SP110: variants seen among roughly 807,000 people sequenced by gnomAD.
SP110 encodes interferon-induced protein 41, 30kD.
SP110 carries 62 observed loss-of-function variants against 92.7 expected under a neutral mutation model. That is an observed-to-expected ratio of 0.67 (90% CI 0.55 to 0.83). The LOEUF (loss-of-function observed/expected upper bound fraction) is 0.83. Among genes scored for constraint, SP110 ranks in the 40% least tolerant of loss-of-function variants. SP110 has a pLI of 0.00. For synonymous variants in SP110, 273 were observed against 305.3 expected (o/e 0.89, Z 1.10); for missense variants, 793 against 863.9 (o/e 0.92, Z 1.03).
At chr2:230,176,341 A>T in intron 14 of SP110, 2 of 562,900 alleles carry the variant, frequency 3.6e-6, no homozygotes, top group Non-Finnish European at 5.5e-6. Flanking sequence ...CACCATTCCT[A>T]GTTGATTAAA....
chr2:230,178,166 T>G lies in SP110; in HGVS notation c.1438A>C (p.Met480Leu). The G allele has an allele frequency of 6.2e-7, 1 of 1,605,880 alleles. No individual in the cohort carries two copies. Among genetic ancestry groups the G allele is most frequent in the Non-Finnish European group, 8.5e-7 (1 of 1,172,642 alleles). Residue 480 changes from methionine to leucine, a missense_variant, in exon 13 of 19, where the codon ATG becomes CTG. Met to Leu is a conservative substitution (Grantham distance 15). Coordinates refer to ENST00000258381, the MANE Select transcript of SP110 (RefSeq NM_080424.4). ...AGACCAAGGAACTCACCGTGTTTCA[T>G]TTTCTTCTTATATAAAATCCCTTTC... Reference protein sequence around the residue: ...EAKGILYKKKMKHGSSVKCIR... With the variant: ...EAKGILYKKKLKHGSSVKCIR...
intron 2 of SP110, among the ~76,000 whole-genome samples, chr2:230,215,935 T>C (rs2045117048): frequency 6.6e-6 from 1 of 152,224 alleles, no homozygotes. Flanking sequence ...AGGAGTGCTC[T>C]CTGGGCTGTG....
chr2:230,189,420 G>T (rs548677966), intron 10 of SP110, among the ~76,000 whole-genome samples: 1 of 152,048 alleles, frequency 6.6e-6, no homozygotes, highest in African/African-American at 2.4e-5. Flanking sequence ...TCTAATTTCC[G>T]TCTTAATTTC....
chr2:230,185,885 G>A (rs998129687), intron 11 of SP110, 109 bp downstream of exon 11: 23 of 947,474 alleles, frequency 2.4e-5, no homozygotes, highest in African/African-American at 4.8e-5. Flanking sequence ...TTTTCTGTAC[G>A]TCTCCCTCCT....
chr2:230,212,281 G>T, intron 5 of SP110, 66 bp downstream of exon 5: 4 of 1,186,272 alleles, frequency 3.4e-6, no homozygotes, highest in Non-Finnish European at 5.0e-6. Flanking sequence ...CCTCTTGGTT[G>T]GCAGACGCAT....
chr2:230,176,747 G>T, intron 14 of SP110: 2 of 1,613,586 alleles, frequency 1.2e-6, no homozygotes, highest in South Asian at 1.1e-5. Context: ...AGGAGTCAAT[G>T]AATGAGGTTA....
chr2:230,217,151 C>A (rs772256204), intron 1 of SP110, among the ~76,000 whole-genome samples: 1 of 141,276 alleles, frequency 7.1e-6, no homozygotes, highest in Admixed American at 7.5e-5. Flanking sequence ...GAGGCTGAGG[C>A]GGGAAAATTG....
intron 12 of SP110, among the ~76,000 whole-genome samples, chr2:230,182,931 T>C (rs1247073848): frequency 6.6e-6 from 1 of 152,154 alleles, no homozygotes; most frequent in Non-Finnish European, 1.5e-5. Flanking sequence ...CTTATTCTTG[T>C]AGACCTGCCA....
upstream of SP110, among the ~76,000 whole-genome samples, chr2:230,222,640 C>T (rs1365541164): frequency 1.3e-5 from 2 of 151,496 alleles, no homozygotes; most frequent in Non-Finnish European, 2.9e-5. Flanking sequence ...GGGAGAATTG[C>T]TTGAGCCCAG....
At chr2:230,203,687 G>A (rs2043433680) in intron 8 of SP110, 1 of 152,164 alleles carries the variant, frequency 6.6e-6, no homozygotes, top group South Asian at 2.1e-4. Context: ...GAAAATATGA[G>A]AGTGTGGTAT....
chr2:230,206,629 A>G (rs2043880341), intron 8 of SP110, among the ~76,000 whole-genome samples: 1 of 104,644 alleles, frequency 9.6e-6, no homozygotes, highest in Non-Finnish European at 2.0e-5. Flanking sequence ...ATATATATAT[A>G]TATATATATG....
chr2:230,173,472 A>G (rs2041709215), intron 14 of SP110: 1 of 168,820 alleles, frequency 5.9e-6, no homozygotes, highest in Non-Finnish European at 1.3e-5. Flanking sequence ...TAAATAACAC[A>G]TTAAAATAAT....
chr2:230,173,530 A>C, intron 14 of SP110: 1 of 163,224 alleles, frequency 6.1e-6, no homozygotes, highest in Non-Finnish European at 1.4e-5. Flanking sequence ...ACAAAATGGA[A>C]CTCTATGGAC....
upstream of SP110, among the ~76,000 whole-genome samples, chr2:230,221,282 A>G (rs1054959236): frequency 8.0e-5 from 11 of 138,284 alleles, no homozygotes; most frequent in East Asian, 4.0e-4. Context: ...CTCCATCTCG[A>G]AAAAAAAAAA....
At chr2:230,215,487 G>T (rs1025925289) in intron 2 of SP110, among the ~76,000 whole-genome samples, 5 of 152,184 alleles carry the variant, frequency 3.3e-5, no homozygotes, top group Admixed American at 6.5e-5. Context: ...TTCAGCAATG[G>T]TTCTAGTGAT....
intron 10 of SP110, among the ~76,000 whole-genome samples, chr2:230,188,937 G>A (rs1405749352): frequency 6.6e-6 from 1 of 152,058 alleles, no homozygotes; most frequent in Admixed American, 6.6e-5. Flanking sequence ...TCTAGGAGGG[G>A]TGTATGTCTC....
At position 230,212,946 on chromosome 2, in the gene SP110, A is replaced by G. The variant is rs2044658404; in HGVS notation, c.398T>C (p.Leu133Pro). The G allele has an allele frequency of 1.2e-6, 2 of 1,613,810 alleles. No individual in the cohort carries two copies. The part of the protein sequence containing the change: ...APTGLAEGSS[L>P]HTPLALPPPQ... ...TGGGGGCAGCGCCAGTGGGGTATGG[A>G]GGGAGCTTCCTTCTGCTAGGCCAGT... is the stretch of plus-strand genomic sequence containing the variant. The change falls in exon 4 of 19, where the codon CTC (leucine) becomes CCC (proline). Residue 133 changes from leucine (L) to proline (P), a missense_variant. Coordinates refer to ENST00000258381, the MANE Select transcript of SP110 (RefSeq NM_080424.4).
chr2:230,178,559 A>G (rs2041973876), intron 12 of SP110, among the ~76,000 whole-genome samples: 2 of 152,038 alleles, frequency 1.3e-5, no homozygotes, highest in Admixed American at 6.6e-5. Flanking sequence ...CTTCTATTCT[A>G]TAAGCATCCT....
intron 12 of SP110, among the ~76,000 whole-genome samples, chr2:230,182,007 G>C (rs1439512857): frequency 6.6e-6 from 1 of 152,210 alleles, no homozygotes; most frequent in Non-Finnish European, 1.5e-5. Context: ...ACCTGCATGT[G>C]TATGTTCACC....
Sources: allele counts gnomAD v4.1 joint callset (sites outside exome capture counted in the v4.1 genomes callset), GRCh38; gene constraint gnomAD v4.1.1; transcripts MANE v1.5; gene names NCBI Gene and HGNC (gene_info 2026-07-23, HGNC 2026-07-21).